Variants in CCSER1 observed in about 807,000 individuals in gnomAD.
CCSER1 encodes serine-rich coiled-coil domain-containing protein 1.
Under a neutral mutation model 82.0 loss-of-function variants are expected in CCSER1, and 41 were observed. The ratio of observed to expected loss-of-function variants is 0.50; its 90% CI spans 0.39 to 0.65. The LOEUF (loss-of-function observed/expected upper bound fraction) is 0.65, where lower values mean the gene tolerates loss of function less well. Among genes scored for constraint, CCSER1 ranks in the 30% least tolerant of loss-of-function variants. The pLI is 0.00. For missense variants in CCSER1, 1,119 were observed against 1,064.2 expected, an observed-to-expected ratio of 1.05 and a Z score of -0.72; for synonymous variants, 414 against 383.9, an observed-to-expected ratio of 1.08 and a Z score of -0.92.
chr4:90,697,060 CAA>C (rs1479990125), intron 6 of CCSER1, among the ~76,000 whole-genome samples: 4 of 152,080 alleles, frequency 2.6e-5, no homozygotes, highest in African/African-American at 9.7e-5. Context: ...TTAGTGAGGG[CAA>C]AGAGCTATGA....
intron 7 of CCSER1, among the ~76,000 whole-genome samples, chr4:90,764,369 C>A (rs1750881049): frequency 1.3e-5 from 2 of 152,284 alleles, no homozygotes; most frequent in Admixed American, 1.3e-4. Context: ...CATTCATCTG[C>A]TATACAGAAA....
rs1484483855 is a variant in CCSER1 at position 90,834,172 on chromosome 4, T to C, written c.2094+18327T>C. On this transcript the variant is annotated intron_variant, in intron 8 of 10. Coordinates refer to ENST00000509176, the MANE Select transcript of CCSER1 (RefSeq NM_001145065.2). ...AGTTTAAAGGCAGTCCTCTGTAAGA[T>C]TCCAGCAATCAGCCCTCATGGAAGC... is the stretch of plus-strand genomic sequence containing the variant. Among the ~76,000 whole-genome samples, 8 of 152,344 alleles carry C rather than the reference T, an allele frequency of 5.3e-5. No individual in the cohort carries two copies. The East Asian group carries it at 1.5e-3, about 29-fold the overall frequency.
At chr4:90,612,077 G>A (rs372100372) in intron 5 of CCSER1, among the ~76,000 whole-genome samples, 60 of 151,530 alleles carry the variant, frequency 4.0e-4, no homozygotes, top group African/African-American at 1.4e-3. Flanking sequence ...TTTTAATTGC[G>A]TGTTCAATAA....
At chr4:90,999,932 A>C (rs1218494455) in intron 9 of CCSER1, among the ~76,000 whole-genome samples, 1 of 145,130 alleles carries the variant, frequency 6.9e-6, no homozygotes, top group African/African-American at 2.6e-5. Context: ...TTATATTTAA[A>C]TCTTTAATCC....
intron 7 of CCSER1, among the ~76,000 whole-genome samples, chr4:90,812,599 G>T (rs1401037980): frequency 6.6e-6 from 1 of 152,086 alleles, no homozygotes; most frequent in Non-Finnish European, 1.5e-5. Flanking sequence ...GGGACCAAAT[G>T]GTAGATATAG....
chr4:90,973,451 GTA>G (rs763223360), intron 9 of CCSER1, among the ~76,000 whole-genome samples: 57 of 151,672 alleles, frequency 3.8e-4, no homozygotes, highest in Middle Eastern at 3.4e-3. Flanking sequence ...ACAATCATAA[GTA>G]CAATGAGTTA....
chr4:90,137,279 T>C (rs567993093), intron 1 of CCSER1, among the ~76,000 whole-genome samples: 12 of 152,308 alleles, frequency 7.9e-5, no homozygotes, highest in Non-Finnish European at 1.3e-4. Flanking sequence ...ACTAAAATTG[T>C]TTTTGAGAGG....
chr4:90,620,664 C>T (rs1722143289), intron 5 of CCSER1, among the ~76,000 whole-genome samples: 1 of 152,086 alleles, frequency 6.6e-6, no homozygotes, highest in Admixed American at 6.6e-5. Context: ...AGAATGCCTT[C>T]CCCTTCAAGT....
At chr4:90,259,845 C>T (rs1332033776) in intron 1 of CCSER1, among the ~76,000 whole-genome samples, 1 of 152,038 alleles carries the variant, frequency 6.6e-6, no homozygotes, top group African/African-American at 2.4e-5. Flanking sequence ...TGATCATCCA[C>T]CAGCTGTTGG....
At chr4:90,414,009 T>C (rs1227878917) in intron 4 of CCSER1, among the ~76,000 whole-genome samples, 1 of 123,414 alleles carries the variant, frequency 8.1e-6, no homozygotes, top group Non-Finnish European at 1.6e-5. Context: ...TATATATATA[T>C]ATCTTCTTCC....
intron 1 of CCSER1, among the ~76,000 whole-genome samples, chr4:90,143,491 T>TACACACACACACACACACACAC (rs56859054): frequency 3.5e-5 from 5 of 141,318 alleles, no homozygotes; most frequent in Admixed American, 7.2e-5. Context: ...AGTACACACA[T>TACACACACACACACACACACAC]ACACACACAC....
intron 1 of CCSER1, among the ~76,000 whole-genome samples, chr4:90,233,515 C>T (rs758935469): frequency 1.3e-5 from 2 of 151,910 alleles, no homozygotes; most frequent in Non-Finnish European, 2.9e-5. Flanking sequence ...GGAGATATAC[C>T]TAACGCTAGA....
At chr4:90,460,205 G>A (rs988064195) in intron 4 of CCSER1, among the ~76,000 whole-genome samples, 3 of 147,146 alleles carry the variant, frequency 2.0e-5, no homozygotes, top group South Asian at 2.1e-4. Context: ...CGTGCCTGTA[G>A]TCCCAGCTAC....
At chr4:91,180,109 A>G (rs1733852497) in intron 10 of CCSER1, among the ~76,000 whole-genome samples, 1 of 152,170 alleles carries the variant, frequency 6.6e-6, no homozygotes, top group African/African-American at 2.4e-5. Context: ...TCACCAGTGG[A>G]GCCTGCAGAA....
intron 6 of CCSER1, among the ~76,000 whole-genome samples, chr4:90,707,536 A>T (rs939796056): frequency 7.3e-4 from 106 of 144,654 alleles, no homozygotes; most frequent in South Asian, 4.1e-3. Flanking sequence ...CCTTAAAAAA[A>T]AAATATATAT....
At chr4:90,927,308 T>C (rs1453549286) in intron 9 of CCSER1, among the ~76,000 whole-genome samples, 1 of 152,066 alleles carries the variant, frequency 6.6e-6, no homozygotes, top group Admixed American at 6.5e-5. Flanking sequence ...TCTTCCTTCA[T>C]TAGCATGTGT....
chr4:90,709,267 T>G (rs960768570), intron 6 of CCSER1, among the ~76,000 whole-genome samples: 1 of 152,156 alleles, frequency 6.6e-6, no homozygotes, highest in Non-Finnish European at 1.5e-5. Context: ...TTTAAAATTT[T>G]TATCTATTTC....
At chr4:91,150,388 A>G (rs902398809) in intron 10 of CCSER1, among the ~76,000 whole-genome samples, 1 of 152,156 alleles carries the variant, frequency 6.6e-6, no homozygotes, top group African/African-American at 2.4e-5. Context: ...GGCTGGGATG[A>G]TGGGGTTTTC....
chr4:91,351,151 A>C (rs1446594391), intron 10 of CCSER1, among the ~76,000 whole-genome samples: 1 of 152,140 alleles, frequency 6.6e-6, no homozygotes, highest in Admixed American at 6.5e-5. Flanking sequence ...GGGAAACTAT[A>C]TTATGGGGAG....
Sources: gnomAD v4.1 joint callset for allele counts (sites outside exome capture counted in the v4.1 genomes callset) on GRCh38, gnomAD v4.1.1 for gene constraint, MANE v1.5 for transcripts, NCBI Gene and HGNC (gene_info 2026-07-23, HGNC 2026-07-21) for gene names.